The following SLMAP variants were observed in gnomAD, a reference collection of about 807,000 sequenced individuals.
The protein encoded by SLMAP is sarcolemmal membrane-associated protein.
A neutral mutation model predicts 128.8 loss-of-function variants in SLMAP; 44 were observed. The observed-to-expected ratio is 0.34, with a 90% CI of 0.27 to 0.44. The LOEUF is 0.44. Among genes scored for constraint, SLMAP ranks in the 20% least tolerant of loss-of-function variants. SLMAP has a pLI of 1.00. For synonymous variants in SLMAP, 327 were observed against 348.8 expected (o/e 0.94, Z 0.70); for missense variants, 787 against 985.3 (o/e 0.80, Z 2.69).
chr3:57,805,343 C>T lies in SLMAP; in HGVS notation c.199-26040C>T, dbSNP rs138852200. Among the ~76,000 whole-genome samples, 328 of 152,272 alleles carry T rather than the reference C, an allele frequency of 2.2e-3. 1 individual carries two copies. The highest frequency in any genetic ancestry group is 7.7e-3 in the African/African-American group (318 of 41,536). ...CCCTGGAGTCTGAATTTTCTGCTGT[C>T]TGCTTACCTTTACTTACTAGATGTC... On this transcript the variant is annotated intron_variant, in intron 2 of 24. Coordinates refer to ENST00000671191, the MANE Select transcript of SLMAP (RefSeq NM_001377540.1).
At chr3:57,923,116 C>G (rs1236376177) in intron 23 of SLMAP, 93 bp downstream of exon 23, 6 of 1,145,252 alleles carry the variant, frequency 5.2e-6, no homozygotes, top group South Asian at 4.2e-5. Flanking sequence ...ATTTGTGAAG[C>G]AAATGGTACA....
chr3:57,924,961 T>G lies in SLMAP; in HGVS notation c.2446-884T>G, dbSNP rs1007825087. 6.6e-5 allele frequency among the ~76,000 whole-genome samples: 10 copies of G among 150,808 alleles called. No homozygotes were observed. The East Asian group carries it at 7.7e-4, about 12-fold the overall frequency. The stretch of plus-strand genomic sequence containing the variant: ...GTTTTTTGTTTTTTGTTTTTTGTTT[T>G]TTTTTTTTTTGGTGACAGGGTCTTG... On this transcript the variant is annotated intron_variant, in intron 23 of 24. Coordinates refer to ENST00000671191, the MANE Select transcript of SLMAP (RefSeq NM_001377540.1).
chr3:57,851,421 T>C (rs933448367), intron 6 of SLMAP, among the ~76,000 whole-genome samples: 8 of 150,356 alleles, frequency 5.3e-5, no homozygotes, highest in South Asian at 2.1e-4. Flanking sequence ...TGAGGGAGCA[T>C]GGTTAAAGAA....
At chr3:57,811,167 A>AT (rs758055019) in intron 2 of SLMAP, among the ~76,000 whole-genome samples, 8 of 152,184 alleles carry the variant, frequency 5.3e-5, no homozygotes, top group Non-Finnish European at 1.0e-4. Context: ...TTCTGTAACC[A>AT]TTATCACCAT....
At chr3:57,779,825 A>C (rs1339261038) in intron 2 of SLMAP, among the ~76,000 whole-genome samples, 1 of 152,098 alleles carries the variant, frequency 6.6e-6, no homozygotes, top group Non-Finnish European at 1.5e-5. Context: ...AGACCTTATC[A>C]TCAAATCCAA....
intron 6 of SLMAP, among the ~76,000 whole-genome samples, chr3:57,855,281 G>A (rs1389157414): frequency 2.0e-5 from 3 of 151,900 alleles, no homozygotes; most frequent in Admixed American, 6.6e-5. Flanking sequence ...GGGAGGCTGA[G>A]GTACCAGAAT....
chr3:57,804,903 A>T (rs1227213404), intron 2 of SLMAP, among the ~76,000 whole-genome samples: 1 of 152,138 alleles, frequency 6.6e-6, no homozygotes, highest in African/African-American at 2.4e-5. Context: ...CTCTAGATTG[A>T]CTTCACTACT....
chr3:57,815,208 A>G (rs2091679595), intron 2 of SLMAP, among the ~76,000 whole-genome samples: 1 of 152,124 alleles, frequency 6.6e-6, no homozygotes, highest in Admixed American at 6.5e-5. Flanking sequence ...TGAGAATCTA[A>G]TGCCACCACT....
At chr3:57,788,008 T>G (rs1395682848) in intron 2 of SLMAP, among the ~76,000 whole-genome samples, 2 of 152,202 alleles carry the variant, frequency 1.3e-5, no homozygotes, top group Non-Finnish European at 1.5e-5. Context: ...GTGGTTAGAA[T>G]GGTTTCTCCA....
intron 2 of SLMAP, among the ~76,000 whole-genome samples, chr3:57,807,210 G>C (rs749618668): frequency 6.6e-6 from 1 of 152,124 alleles, no homozygotes; most frequent in East Asian, 1.9e-4. Context: ...TTTTGATGGG[G>C]TTGTTTTTTT....
chr3:57,906,300 C>CTTTTTTTTTCTTTTTTTTTTTT (rs1289520357), intron 17 of SLMAP, among the ~76,000 whole-genome samples: 1 of 71,290 alleles, frequency 1.4e-5, no homozygotes, highest in African/African-American at 4.8e-5. Context: ...AAATTTTTTT[C>CTTTTTTTTTCTTTTTTTTTTTT]TTTTTTTTTC....
intron 15 of SLMAP, chr3:57,890,426 A>T (rs79732060): frequency 4.6e-6 from 1 of 216,192 alleles, no homozygotes; most frequent in East Asian, 1.0e-4. Context: ...TCAAATTTTA[A>T]TCAAACACAA....
chr3:57,896,826 T>A (rs746252255), intron 16 of SLMAP, 47 bp from the exon 17 acceptor site: 4 of 1,550,746 alleles, frequency 2.6e-6, no homozygotes, highest in Middle Eastern at 1.7e-4. Context: ...TGCTGATAGA[T>A]CTGAATACTG....
intron 4 of SLMAP, among the ~76,000 whole-genome samples, chr3:57,845,732 A>G (rs1448577677): frequency 6.6e-6 from 1 of 152,162 alleles, no homozygotes. Context: ...TCATGAGAGT[A>G]ATAGTAGTGA....
intron 2 of SLMAP, among the ~76,000 whole-genome samples, chr3:57,826,357 T>A (rs548034938): frequency 1.3e-5 from 2 of 152,304 alleles, no homozygotes; most frequent in Admixed American, 1.3e-4. Context: ...CCTTATTCTC[T>A]TTTTTCTTAA....
chr3:57,916,289 G>A (rs2096810710), intron 21 of SLMAP, among the ~76,000 whole-genome samples: 1 of 152,206 alleles, frequency 6.6e-6, no homozygotes. Flanking sequence ...GTATTACGTG[G>A]TATCTGGTAT....
chr3:57,811,104 C>T (rs1173581296), intron 2 of SLMAP, among the ~76,000 whole-genome samples: 1 of 152,114 alleles, frequency 6.6e-6, no homozygotes, highest in Non-Finnish European at 1.5e-5. Context: ...TAAAATTTAT[C>T]ATTGTAGCCA....
chr3:57,767,858 C>G (rs74963030), intron 2 of SLMAP, among the ~76,000 whole-genome samples: 1,750 of 152,276 alleles, frequency 0.011, 35 homozygotes, highest in African/African-American at 0.039. Context: ...GTCTTTTGCT[C>G]TCTTGAAAGG....
intron 4 of SLMAP, among the ~76,000 whole-genome samples, chr3:57,843,766 C>T (rs1375729357): frequency 1.2e-3 from 115 of 98,992 alleles, no homozygotes; most frequent in Middle Eastern, 5.0e-3. Context: ...CTCTTTCTTT[C>T]TTTTCTTTCT....
Sources: gnomAD v4.1 joint callset for allele counts (sites outside exome capture counted in the v4.1 genomes callset) on GRCh38, gnomAD v4.1.1 for gene constraint, MANE v1.5 for transcripts, NCBI Gene and HGNC (gene_info 2026-07-23, HGNC 2026-07-21) for gene names.